Variants in NDST4 observed in about 807,000 individuals in gnomAD.
NDST4 encodes N-deacetylase and N-sulfotransferase 4, also known as N-heparan sulfate sulfotransferase 4.
Under a neutral mutation model 100.8 loss-of-function variants are expected in NDST4, and 63 were observed. That is an observed-to-expected ratio of 0.62 (90% CI 0.51 to 0.77). NDST4 has a LOEUF of 0.77. Among genes scored for constraint, NDST4 ranks in the 30% least tolerant of loss-of-function variants. NDST4 has a pLI of 0.00. For synonymous variants in NDST4, 377 were observed against 361.8 expected (o/e 1.04, Z -0.48); for missense variants, 943 against 1,018.4 (o/e 0.93, Z 1.01).
intron 2 of NDST4, among the ~76,000 whole-genome samples, chr4:115,013,854 C>A (rs1727615516): frequency 6.6e-6 from 1 of 151,970 alleles, no homozygotes; most frequent in Non-Finnish European, 1.5e-5. Flanking sequence ...ATATCATAAG[C>A]AATTCTGCAT....
At chr4:115,045,253 C>T (rs1013900321) in intron 2 of NDST4, among the ~76,000 whole-genome samples, 1 of 151,858 alleles carries the variant, frequency 6.6e-6, no homozygotes, top group African/African-American at 2.4e-5. Flanking sequence ...TTGCCTTAGG[C>T]ATGAAAAAAT....
Position 114,986,825 on chromosome 4 carries a change from TA to T in NDST4, c.979-9552del, listed in dbSNP as rs1294324379. On this transcript the variant is annotated intron_variant, in intron 2 of 13. Transcript: ENST00000264363. ...ATATATATATATATATATATATATA[TA>T]TATATATTTTAATATACTATTCCTA... is the stretch of plus-strand genomic sequence containing the variant. 9.9e-4 allele frequency among the ~76,000 whole-genome samples: 119 copies of T among 120,314 alleles called. 5 individuals carry two copies. The highest frequency in any genetic ancestry group is 5.4e-3 in the East Asian group (23 of 4,250). 78.9% of individuals were successfully genotyped at this position (120,314 alleles called of 152,430 possible).
In NDST4 at chr4:114,911,192, C is replaced by T. The variant is rs142790006; in HGVS notation, c.1536+24014G>A. Among the ~76,000 whole-genome samples the T allele has an allele frequency of 5.0e-3, 753 of 152,068 alleles. 3 individuals carry two copies. The highest frequency in any genetic ancestry group is 0.01 in the Middle Eastern group (3 of 294). The stretch of plus-strand genomic sequence containing the variant: ...TCTTTCCATGGCCTAGTTCGCATTG[C>T]GTGACTTAGTCTTGATTCTTTGCTG... On this transcript the variant is annotated intron_variant, in intron 6 of 13. Coordinates refer to ENST00000264363, the MANE Select transcript of NDST4 (RefSeq NM_022569.3).
At chr4:115,069,307 T>G (rs1729019829) in intron 2 of NDST4, among the ~76,000 whole-genome samples, 1 of 152,160 alleles carries the variant, frequency 6.6e-6, no homozygotes, top group Non-Finnish European at 1.5e-5. Context: ...AATGCAAACT[T>G]GAGCTGGCTC....
At chr4:115,021,169 C>T (rs1190938876) in intron 2 of NDST4, among the ~76,000 whole-genome samples, 1 of 151,566 alleles carries the variant, frequency 6.6e-6, no homozygotes, top group East Asian at 1.9e-4. Flanking sequence ...AAATGCCCAT[C>T]AATCAGTGAG....
At chr4:114,986,817 TATATA>T (rs1726918154) in intron 2 of NDST4, among the ~76,000 whole-genome samples, 1 of 124,878 alleles carries the variant, frequency 8.0e-6, no homozygotes, top group Non-Finnish European at 1.6e-5. Context: ...TATATATATA[TATATA>T]TATATATATA....
chr4:115,026,635 G>C (rs1254368308), intron 2 of NDST4, among the ~76,000 whole-genome samples: 1 of 148,878 alleles, frequency 6.7e-6, no homozygotes, highest in Non-Finnish European at 1.5e-5. Context: ...AGATGTAGGA[G>C]ACTTGTCTTT....
At chr4:114,986,380 G>T (rs1347939155) in intron 2 of NDST4, among the ~76,000 whole-genome samples, 1 of 152,078 alleles carries the variant, frequency 6.6e-6, no homozygotes, top group African/African-American at 2.4e-5. Flanking sequence ...TTACTGGAGG[G>T]TGTCCTGGTC....
chr4:115,024,365 G>A (rs961944940), intron 2 of NDST4, among the ~76,000 whole-genome samples: 17 of 152,150 alleles, frequency 1.1e-4, no homozygotes, highest in African/African-American at 4.1e-4. Flanking sequence ...CAAAGCCAAA[G>A]GAGTGGGGCT....
chr4:114,995,653 C>A (rs1428568624), intron 2 of NDST4, among the ~76,000 whole-genome samples: 1 of 152,044 alleles, frequency 6.6e-6, no homozygotes, highest in Non-Finnish European at 1.5e-5. Context: ...CCAAAATGAT[C>A]TTCCCAATTA....
At chr4:114,914,988 T>G (rs965748080) in intron 6 of NDST4, among the ~76,000 whole-genome samples, 1 of 152,178 alleles carries the variant, frequency 6.6e-6, no homozygotes, top group Non-Finnish European at 1.5e-5. Flanking sequence ...ATATCTGATC[T>G]TTATTTTCCC....
At chr4:114,977,402 G>C (rs1726663437) in intron 2 of NDST4, 128 bp from the exon 3 acceptor site, 2 of 516,234 alleles carry the variant, frequency 3.9e-6, no homozygotes, top group African/African-American at 2.0e-5. Flanking sequence ...GATGGGTACT[G>C]TTATGTAGTA....
At chr4:114,832,740 C>T (rs1723226684) in intron 12 of NDST4, among the ~76,000 whole-genome samples, 2 of 152,130 alleles carry the variant, frequency 1.3e-5, no homozygotes, top group African/African-American at 4.8e-5. Flanking sequence ...GTGTGACTGG[C>T]AGGTCCAGGT....
chr4:115,035,299 G>T (rs1054766384), intron 2 of NDST4, among the ~76,000 whole-genome samples: 1 of 152,018 alleles, frequency 6.6e-6, no homozygotes, highest in Admixed American at 6.6e-5. Context: ...AAACAATAAT[G>T]CAAGAAATTG....
intron 2 of NDST4, among the ~76,000 whole-genome samples, chr4:115,065,314 A>G (rs1316288542): frequency 6.6e-6 from 1 of 152,078 alleles, no homozygotes; most frequent in East Asian, 1.9e-4. Context: ...ATGAGGGTTG[A>G]AGAGATTAGG....
intron 6 of NDST4, among the ~76,000 whole-genome samples, chr4:114,871,215 G>C (rs1724142850): frequency 6.6e-6 from 1 of 152,000 alleles, no homozygotes; most frequent in Non-Finnish European, 1.5e-5. Flanking sequence ...TGCTTATTGT[G>C]GAGCCAATAC....
intron 2 of NDST4, among the ~76,000 whole-genome samples, chr4:115,019,982 A>G (rs1431270134): frequency 6.6e-6 from 1 of 152,116 alleles, no homozygotes; most frequent in Non-Finnish European, 1.5e-5. Flanking sequence ...CACAAGTCAG[A>G]CTAAAAAAAA....
intron 4 of NDST4, among the ~76,000 whole-genome samples, chr4:114,953,011 AT>A (rs775828713): frequency 3.6e-5 from 5 of 140,788 alleles, no homozygotes; most frequent in Admixed American, 2.8e-4. Flanking sequence ...AAGTTGGCTC[AT>A]TTTTTTTCTT....
intron 2 of NDST4, among the ~76,000 whole-genome samples, chr4:115,007,990 C>A (rs1727459047): frequency 7.7e-6 from 1 of 129,408 alleles, no homozygotes; most frequent in Non-Finnish European, 1.7e-5. Flanking sequence ...ACACAATGGG[C>A]ACTAAATTTC....
Sources: allele counts gnomAD v4.1 joint callset (sites outside exome capture counted in the v4.1 genomes callset), GRCh38; gene constraint gnomAD v4.1.1; transcripts MANE v1.5; gene names NCBI Gene and HGNC (gene_info 2026-07-23, HGNC 2026-07-21).